The following APH1B variants were observed in gnomAD, a reference collection of about 807,000 sequenced individuals.
APH1B encodes gamma-secretase subunit APH-1B.
In APH1B, 27 loss-of-function variants were observed where a neutral mutation model predicts 28.2. The observed-to-expected ratio is 0.96, with a 90% CI of 0.70 to 1.32. The LOEUF (loss-of-function observed/expected upper bound fraction) is 1.32. Among genes scored for constraint, APH1B ranks in the 40% most tolerant of loss-of-function variants. APH1B has a pLI of 0.00. For synonymous variants in APH1B, 141 were observed against 124.6 expected (o/e 1.13, Z -0.88); for missense variants, 305 against 313.6 (o/e 0.97, Z 0.21).
At chr15:63,299,797 A>G (rs1358918455) in intron 4 of APH1B, among the ~76,000 whole-genome samples, 1 of 151,986 alleles carries the variant, frequency 6.6e-6, no homozygotes, top group Non-Finnish European at 1.5e-5. Flanking sequence ...CCCACTCAGT[A>G]TTGGTCGCAA....
intron 4 of APH1B, among the ~76,000 whole-genome samples, chr15:63,300,282 C>T (rs1288711335): frequency 3.9e-5 from 6 of 152,206 alleles, no homozygotes; most frequent in South Asian, 2.1e-4. Context: ...GGACCTTTCC[C>T]GGTTATTTCA....
In APH1B at chr15:63,308,134, A is replaced by G. The variant is rs1279215910; in HGVS notation, c.*2353A>G. 6.6e-6 allele frequency: 1 copy of G among 151,780 alleles called. No homozygotes were observed. Among genetic ancestry groups the G allele is most frequent in the Non-Finnish European group, 1.5e-5 (1 of 67,968 alleles). The allele number at this position is 151,780 out of a possible 1,614,324, so 9.4% of individuals were successfully genotyped here. On this transcript the variant is annotated 3_prime_UTR_variant, in exon 6 of 6. Coordinates refer to ENST00000261879, the MANE Select transcript of APH1B (RefSeq NM_031301.4). Reference sequence around the variant, plus strand: ...TTTGTTATCTATAATGAGCTTTCTGAGCCCTGATATTATGTGAGACAAACA... The same window carrying G: ...TTTGTTATCTATAATGAGCTTTCTGGGCCCTGATATTATGTGAGACAAACA...
chr15:63,304,257 G>A lies in APH1B; in HGVS notation c.607-1357G>A, dbSNP rs375387972. On this transcript the variant is annotated intron_variant, in intron 5 of 5. Transcript: ENST00000261879. This position sits in a 1 kb window ranked among gnomAD's most constrained non-coding sequence, Gnocchi z 5.1. ...GAAGCCAGCGTCATGGTCACCCTCAGTGGGGGCAGGGACTGGTGGAACAGG... is the reference window on the plus strand; with the variant it reads ...GAAGCCAGCGTCATGGTCACCCTCAATGGGGGCAGGGACTGGTGGAACAGG... Among the ~76,000 whole-genome samples, 1 of 152,212 alleles carries A rather than the reference G, an allele frequency of 6.6e-6. No individual in the cohort carries two copies. Among genetic ancestry groups the A allele is most frequent in the Non-Finnish European group, 1.5e-5 (1 of 68,042 alleles).
chr15:63,295,555 G>A (rs942504008), intron 4 of APH1B, among the ~76,000 whole-genome samples: 25 of 152,202 alleles, frequency 1.6e-4, no homozygotes, highest in Admixed American at 1.6e-3. Context: ...GTTAGAGCAG[G>A]GTTTCTCAAC....
chr15:63,289,735 G>A (rs766276804), intron 4 of APH1B, among the ~76,000 whole-genome samples: 1 of 152,224 alleles, frequency 6.6e-6, no homozygotes, highest in Non-Finnish European at 1.5e-5. Context: ...AGGTGTGGTG[G>A]CTCATGCCTG....
At chr15:63,283,315 G>A (rs1025089861) in intron 2 of APH1B, among the ~76,000 whole-genome samples, 44 of 152,120 alleles carry the variant, frequency 2.9e-4, no homozygotes, top group Non-Finnish European at 1.6e-4. Flanking sequence ...TGCAACTTCC[G>A]CCTCCGGGGC....
rs1413646093 is a variant in APH1B at position 63,308,485 on chromosome 15, T to G, written c.*2704T>G. 6.6e-6 allele frequency: 1 copy of G among 152,248 alleles called. No individual in the cohort carries two copies. Among genetic ancestry groups the G allele is most frequent in the African/African-American group, 2.4e-5 (1 of 41,458 alleles). 9.4% of individuals were successfully genotyped at this position (152,248 alleles called of 1,614,324 possible). A position where few individuals can be genotyped will look rare whatever the true frequency, so the allele number is the denominator to read the frequency against. On this transcript the variant is annotated 3_prime_UTR_variant, in exon 6 of 6. Coordinates refer to ENST00000261879, the MANE Select transcript of APH1B (RefSeq NM_031301.4). ...TGCAGACTGCGTAGAAAATGGCTTT[T>G]GTTCCCAGCGTTAACATTTTCTTCT...
chr15:63,294,340 C>A (rs1293682284), intron 4 of APH1B, among the ~76,000 whole-genome samples: 1 of 152,214 alleles, frequency 6.6e-6, no homozygotes, highest in Admixed American at 6.5e-5. Flanking sequence ...AGCCCCGCCC[C>A]CCGGCAACCT....
At position 63,301,039 on chromosome 15, in the gene APH1B, C is replaced by T. The variant is rs144266763; in HGVS notation, c.479-1306C>T. Among the ~76,000 whole-genome samples, 7 of 152,308 alleles carry T rather than the reference C, an allele frequency of 4.6e-5. No homozygotes were observed. In the East Asian group the frequency reaches 1.2e-3, roughly 25 times the overall value. ...TAGAGCAATGGCTCTGAAACTTGAC[C>T]GTGCCTCAGAATCACCTGGAGGGCT... On this transcript the variant is annotated intron_variant, in intron 4 of 5. Coordinates refer to ENST00000261879, the MANE Select transcript of APH1B (RefSeq NM_031301.4).
intron 4 of APH1B, among the ~76,000 whole-genome samples, chr15:63,288,026 C>T (rs577828399): frequency 7.2e-5 from 11 of 152,234 alleles, no homozygotes; most frequent in African/African-American, 2.4e-4. Context: ...ATTGCTTTTT[C>T]GTCCACGAGC....
rs146806649 is a variant in APH1B at position 63,292,757 on chromosome 15, T to A, written c.478+5211T>A. 9.8e-5 allele frequency among the ~76,000 whole-genome samples: 15 copies of A among 152,308 alleles called. No individual in the cohort carries two copies. The East Asian group carries it at 2.9e-3, about 29-fold the overall frequency. On this transcript the variant is annotated intron_variant, in intron 4 of 5. Transcript: ENST00000261879. ...GCTCAAATAACTGAGAATAGAAAATTGTACTTTTTGGAATGCACTTTCATT... is the reference window on the plus strand; with the variant it reads ...GCTCAAATAACTGAGAATAGAAAATAGTACTTTTTGGAATGCACTTTCATT...
chr15:63,282,521 C>T (rs1204713201), intron 2 of APH1B, among the ~76,000 whole-genome samples: 2 of 152,168 alleles, frequency 1.3e-5, no homozygotes, highest in African/African-American at 4.8e-5. Context: ...GTAGCCCTTT[C>T]TGCAGTAATT....
intron 4 of APH1B, among the ~76,000 whole-genome samples, chr15:63,292,300 C>T (rs1237857210): frequency 6.6e-6 from 1 of 152,162 alleles, no homozygotes; most frequent in Admixed American, 6.5e-5. Context: ...AATAAGTTGT[C>T]ACAACTAACT....
chr15:63,280,321 G>A (rs920836798), intron 2 of APH1B, among the ~76,000 whole-genome samples: 1 of 152,202 alleles, frequency 6.6e-6, no homozygotes, highest in African/African-American at 2.4e-5. Flanking sequence ...CTGGAACTTG[G>A]AACCATATTT....
At chr15:63,286,480 T>TA (rs1194602760) in intron 2 of APH1B, 78 bp from the exon 3 acceptor site, 68 of 1,215,014 alleles carry the variant, frequency 5.6e-5, no homozygotes, top group Non-Finnish European at 6.8e-5. Flanking sequence ...TTGAAGTGTC[T>TA]TGTTGGACTT....
At chr15:63,287,285 C>T (rs984202023) in intron 3 of APH1B, 139 bp from the exon 4 acceptor site, 1 of 1,202,248 alleles carries the variant, frequency 8.3e-7, no homozygotes, top group Non-Finnish European at 1.1e-6. Flanking sequence ...ACATGCCTCT[C>T]CAGAGCCAGC....
At chr15:63,289,557 A>G (rs995379730) in intron 4 of APH1B, among the ~76,000 whole-genome samples, 7 of 152,238 alleles carry the variant, frequency 4.6e-5, no homozygotes, top group Non-Finnish European at 7.3e-5. Flanking sequence ...CTTCACCGAC[A>G]TGACGCCACA....
intron 4 of APH1B, among the ~76,000 whole-genome samples, chr15:63,299,605 C>T (rs1260840572): frequency 2.6e-5 from 4 of 151,960 alleles, no homozygotes; most frequent in East Asian, 1.9e-4. Context: ...GGGGTTTTAC[C>T]GTGTTAGCCA....
At chr15:63,282,042 G>A (rs1190663043) in intron 2 of APH1B, among the ~76,000 whole-genome samples, 1 of 152,138 alleles carries the variant, frequency 6.6e-6, no homozygotes, top group Non-Finnish European at 1.5e-5. Flanking sequence ...TCTTTTACGA[G>A]CCTTTAGAAT....
Sources: allele counts gnomAD v4.1 joint callset (sites outside exome capture counted in the v4.1 genomes callset), GRCh38; gene constraint gnomAD v4.1.1; non-coding constraint Gnocchi (gnomAD v3.1); transcripts MANE v1.5; gene names NCBI Gene and HGNC (gene_info 2026-07-23, HGNC 2026-07-21).